PTPRQ: variants seen among roughly 807,000 people sequenced by gnomAD.
PTPRQ encodes protein tyrosine phosphatase receptor type Q.
PTPRQ carries 199 observed loss-of-function variants against 246.0 expected under a neutral mutation model. That is an observed-to-expected ratio of 0.81 (90% CI 0.72 to 0.91). PTPRQ has a LOEUF of 0.91. Ranked by LOEUF, PTPRQ falls within the 40% of genes least tolerant of loss-of-function variation. The pLI, the probability that PTPRQ is intolerant of heterozygous loss-of-function variation, is 0.00. For synonymous variants in PTPRQ, 869 were observed against 853.2 expected (o/e 1.02, Z -0.32); for missense variants, 2,624 against 2,528.4 (o/e 1.04, Z -0.81).
chr12:80,580,751 G>T (rs1897408499), intron 25 of PTPRQ, among the ~76,000 whole-genome samples: 1 of 152,096 alleles, frequency 6.6e-6, no homozygotes, highest in South Asian at 2.1e-4. Context: ...AAAACAAAAG[G>T]CTGTTTCAAT....
chr12:80,657,118 T>G lies in PTPRQ; in HGVS notation c.6116-867T>G, dbSNP rs1371671530. ...ACAAATGACAAACTAAGAAGAAAATTTTAATTAATATGACAAAAGGCGATA... is the reference window on the plus strand; with the variant it reads ...ACAAATGACAAACTAAGAAGAAAATGTTAATTAATATGACAAAAGGCGATA... On this transcript the variant is annotated intron_variant, in intron 38 of 44. Coordinates refer to ENST00000644991, the MANE Select transcript of PTPRQ (RefSeq NM_001145026.2). Among the ~76,000 whole-genome samples, 11 of 151,880 alleles carry G rather than the reference T, an allele frequency of 7.2e-5. 1 individual carries two copies. The highest frequency in any genetic ancestry group is 6.6e-4 in the Admixed American group (10 of 15,240).
chr12:80,465,960 C>A (rs1893390705), intron 6 of PTPRQ, among the ~76,000 whole-genome samples: 1 of 152,114 alleles, frequency 6.6e-6, no homozygotes, highest in Non-Finnish European at 1.5e-5. Flanking sequence ...CAGGGATGCC[C>A]CCTCTCACCA....
At chr12:80,519,100 C>T (rs1388089785) in intron 17 of PTPRQ, among the ~76,000 whole-genome samples, 2 of 152,050 alleles carry the variant, frequency 1.3e-5, no homozygotes, top group Admixed American at 6.6e-5. Flanking sequence ...ATTGATTCTT[C>T]CACCCCATGA....
At chr12:80,466,428 T>C (rs566215816) in intron 6 of PTPRQ, among the ~76,000 whole-genome samples, 1 of 152,330 alleles carries the variant, frequency 6.6e-6, no homozygotes, top group Admixed American at 6.5e-5. Context: ...ATGGCCACAC[T>C]GCCCAAGGTA....
chr12:80,639,162 C>T (rs541107155), intron 35 of PTPRQ, among the ~76,000 whole-genome samples: 10 of 152,284 alleles, frequency 6.6e-5, no homozygotes, highest in East Asian at 1.9e-4. Flanking sequence ...AACTGTACAA[C>T]GATTACCTTC....
At position 80,542,127 on chromosome 12, in the gene PTPRQ, C is replaced by G. The variant is rs201270285; in HGVS notation, c.3484C>G (p.Leu1162Val). Residue 1162 changes from leucine (L) to valine (V), a missense_variant, in exon 22 of 45, where the codon CTT becomes GTT. Coordinates refer to ENST00000644991, the MANE Select transcript of PTPRQ (RefSeq NM_001145026.2). Reference protein sequence around the residue: ...TSPIINTFKNLSSTSVLLSWD... With the variant: ...TSPIINTFKNVSSTSVLLSWD... Reference sequence around the variant, plus strand: ...ACCAATAATCAACACTTTTAAAAACCTTTCCTCTACCTCAGTTCTCTTATC... The same window carrying G: ...ACCAATAATCAACACTTTTAAAAACGTTTCCTCTACCTCAGTTCTCTTATC... 2.2e-4 allele frequency: 335 copies of G among 1,549,658 alleles called. No homozygotes were observed. Among genetic ancestry groups the G allele is most frequent in the Non-Finnish European group, 2.7e-4 (315 of 1,146,412 alleles).
intron 25 of PTPRQ, among the ~76,000 whole-genome samples, chr12:80,571,175 C>T (rs917958253): frequency 3.9e-5 from 6 of 152,080 alleles, no homozygotes; most frequent in African/African-American, 1.4e-4. Flanking sequence ...TATGGAGTCT[C>T]ACTCTGTCAC....
intron 39 of PTPRQ, among the ~76,000 whole-genome samples, chr12:80,661,670 A>T (rs985833313): frequency 2.0e-5 from 3 of 151,232 alleles, no homozygotes; most frequent in Non-Finnish European, 4.4e-5. Context: ...CACATTTTAC[A>T]TTTTTTTTCC....
At chr12:80,524,457 T>C (rs1895618299) in intron 17 of PTPRQ, among the ~76,000 whole-genome samples, 1 of 152,152 alleles carries the variant, frequency 6.6e-6, no homozygotes, top group African/African-American at 2.4e-5. Flanking sequence ...TCTTTATGAA[T>C]TACCAGTCTC....
intron 25 of PTPRQ, among the ~76,000 whole-genome samples, chr12:80,571,424 C>T (rs1330763395): frequency 6.6e-6 from 1 of 152,198 alleles, no homozygotes; most frequent in East Asian, 1.9e-4. Context: ...AGGTGTGAGC[C>T]ACCACACCCA....
intron 43 of PTPRQ, 23 bp downstream of exon 43, chr12:80,673,327 G>A: frequency 6.5e-7 from 1 of 1,535,794 alleles, no homozygotes. Context: ...AACCTGCACT[G>A]CATTCTAAAG....
intron 14 of PTPRQ, among the ~76,000 whole-genome samples, chr12:80,497,272 G>T (rs912128626): frequency 6.6e-6 from 1 of 151,594 alleles, no homozygotes; most frequent in Admixed American, 6.6e-5. Flanking sequence ...CTATCTGGGG[G>T]GTAATGGGAG....
intron 15 of PTPRQ, 135 bp from the exon 16 acceptor site, chr12:80,506,434 A>G: frequency 2.4e-6 from 2 of 838,248 alleles, no homozygotes; most frequent in Non-Finnish European, 3.6e-6. Context: ...AAGAGCTACT[A>G]TTGCCAAAGA....
In PTPRQ at chr12:80,590,288, T is replaced by C. The variant is rs552061968; in HGVS notation, c.4609+1836T>C. Among the ~76,000 whole-genome samples the C allele has an allele frequency of 3.9e-5, 6 of 152,226 alleles. No homozygotes were observed. The South Asian group carries it at 1.2e-3, about 32-fold the overall frequency. ...CATTAGTACAACTCTTCATTACTGC[T>C]CCCACAGCACTAGCCTAACTAGCCT... On this transcript the variant is annotated intron_variant, in intron 26 of 44. Transcript: ENST00000644991.
intron 16 of PTPRQ, among the ~76,000 whole-genome samples, chr12:80,509,277 A>G (rs756955812): frequency 3.3e-5 from 5 of 152,090 alleles, no homozygotes; most frequent in Non-Finnish European, 7.4e-5. Flanking sequence ...AAACATGCAC[A>G]CATGGGAACA....
chr12:80,586,278 A>C (rs1011786725), intron 25 of PTPRQ, among the ~76,000 whole-genome samples: 4 of 151,820 alleles, frequency 2.6e-5, no homozygotes, highest in African/African-American at 9.7e-5. Flanking sequence ...TTATGCAGCC[A>C]AAAGACACAT....
rs767377843 is a variant in PTPRQ at position 80,495,178 on chromosome 12, T to C, written c.1703-14T>C. On this transcript the variant is annotated splice_polypyrimidine_tract_variant and intron_variant, in intron 11 of 44. Transcript: ENST00000644991. Reference sequence around the variant, plus strand: ...TACTTTTTTTTCATTCATATGTTCATTCTTCTTTTTAAGTGCCAAGCTCCA... The same window carrying C: ...TACTTTTTTTTCATTCATATGTTCACTCTTCTTTTTAAGTGCCAAGCTCCA... 3 of 1,544,980 alleles carry C rather than the reference T, an allele frequency of 1.9e-6. No homozygotes were observed. In the South Asian group the frequency reaches 3.7e-5, roughly 19 times the overall value.
intron 32 of PTPRQ, 114 bp from the exon 33 acceptor site, chr12:80,621,947 T>C: frequency 1.3e-6 from 1 of 747,876 alleles, no homozygotes; most frequent in Non-Finnish European, 1.9e-6. Flanking sequence ...TTTCATCTTG[T>C]AAATTCATTT....
At chr12:80,639,494 A>C (rs1410670396) in intron 35 of PTPRQ, among the ~76,000 whole-genome samples, 1 of 152,198 alleles carries the variant, frequency 6.6e-6, no homozygotes, top group Non-Finnish European at 1.5e-5. Flanking sequence ...CTCAAAGCCC[A>C]ATCCAATAAT....
Sources: gnomAD v4.1 joint callset for allele counts (sites outside exome capture counted in the v4.1 genomes callset) on GRCh38, gnomAD v4.1.1 for gene constraint, MANE v1.5 for transcripts, NCBI Gene and HGNC (gene_info 2026-07-23, HGNC 2026-07-21) for gene names.